The following SOX6 variants were observed in gnomAD, a reference collection of about 807,000 sequenced individuals.
The protein encoded by SOX6 is SRY-box transcription factor 6, also known as transcription factor SOX-6.
A neutral mutation model predicts 97.8 loss-of-function variants in SOX6; 11 were observed. The observed-to-expected ratio is 0.11, with a 90% confidence interval of 0.07 to 0.19. The LOEUF (loss-of-function observed/expected upper bound fraction) is 0.19, where lower values mean the gene tolerates loss of function less well. Ranked by LOEUF, SOX6 falls within the 10% of genes least tolerant of loss-of-function variation. SOX6 has a pLI of 1.00. For missense variants in SOX6, 810 were observed against 1,039.5 expected (o/e 0.78, Z 3.04); for synonymous variants, 360 against 371.4 (o/e 0.97, Z 0.35).
intron 1 of SOX6, among the ~76,000 whole-genome samples, chr11:16,468,530 G>C (rs1860083882): frequency 6.6e-6 from 1 of 152,112 alleles, no homozygotes; most frequent in African/African-American, 2.4e-5. Flanking sequence ...ACTGTCCTCT[G>C]ATTAGAAGAT....
chr11:16,403,742 T>C (rs1210637177), intron 1 of SOX6, among the ~76,000 whole-genome samples: 3 of 151,660 alleles, frequency 2.0e-5, no homozygotes, highest in Non-Finnish European at 4.4e-5. Flanking sequence ...CTTTAAAAAA[T>C]AATGCTAATT....
At chr11:16,264,823 A>G (rs1854021348) in intron 3 of SOX6, 1 of 148,382 alleles carries the variant, frequency 6.7e-6, no homozygotes, top group Admixed American at 6.9e-5. Context: ...ACTTCTAGCC[A>G]AGACGGAGGC....
At chr11:16,479,920 A>G (rs1417208828), upstream of SOX6, among the ~76,000 whole-genome samples, 1 of 152,148 alleles carries the variant, frequency 6.6e-6, no homozygotes, top group Non-Finnish European at 1.5e-5. Context: ...TATGTTCACT[A>G]CAGTTTTTTA....
At chr11:16,198,985 G>A (rs1851863056) in intron 4 of SOX6, among the ~76,000 whole-genome samples, 1 of 152,142 alleles carries the variant, frequency 6.6e-6, no homozygotes, top group African/African-American at 2.4e-5. Context: ...TGTGTCACAT[G>A]CATCTCTGTG....
chr11:16,241,388 C>T (rs559861886), intron 3 of SOX6, among the ~76,000 whole-genome samples: 29 of 152,114 alleles, frequency 1.9e-4, no homozygotes, highest in African/African-American at 6.5e-4. Flanking sequence ...TATGGCTGTC[C>T]ATGTTGCTAA....
At chr11:16,189,397 C>CA (rs1449154210) in intron 4 of SOX6, among the ~76,000 whole-genome samples, 1 of 146,664 alleles carries the variant, frequency 6.8e-6, no homozygotes, top group African/African-American at 2.6e-5. Context: ...ACGCTATAGG[C>CA]AAAGGTCATG....
At chr11:16,150,003 G>A (rs1850419469) in intron 6 of SOX6, among the ~76,000 whole-genome samples, 2 of 152,122 alleles carry the variant, frequency 1.3e-5, no homozygotes, top group South Asian at 4.1e-4. Flanking sequence ...GATTAAATTA[G>A]GGAGTTTGGA....
intron 3 of SOX6, among the ~76,000 whole-genome samples, chr11:16,643,067 G>C (rs1020944198): frequency 6.6e-6 from 1 of 152,164 alleles, no homozygotes; most frequent in Non-Finnish European, 1.5e-5. Flanking sequence ...GGTCTTTGAT[G>C]ATGGTGACGT....
At chr11:16,555,810 C>T (rs1303851696) in intron 4 of SOX6, among the ~76,000 whole-genome samples, 1 of 151,500 alleles carries the variant, frequency 6.6e-6, no homozygotes, top group Non-Finnish European at 1.5e-5. Flanking sequence ...TGACTAGTTA[C>T]ATAAATATGA....
chr11:16,018,245 T>A (rs374082281), intron 12 of SOX6, among the ~76,000 whole-genome samples: 1 of 152,136 alleles, frequency 6.6e-6, no homozygotes, highest in African/African-American at 2.4e-5. Context: ...GCCTCACTGA[T>A]GACAGATAGA....
At chr11:16,494,763 G>T (rs1384831463) in intron 4 of SOX6, among the ~76,000 whole-genome samples, 1 of 152,120 alleles carries the variant, frequency 6.6e-6, no homozygotes. Flanking sequence ...TAGGGAAAAT[G>T]GAAGTGAAAG....
intron 4 of SOX6, among the ~76,000 whole-genome samples, chr11:16,198,418 A>C (rs1047502957): frequency 6.6e-6 from 1 of 152,066 alleles, no homozygotes; most frequent in Non-Finnish European, 1.5e-5. Flanking sequence ...GTTTAAGAAG[A>C]AGCTTATAAA....
intron 9 of SOX6, among the ~76,000 whole-genome samples, chr11:16,059,458 G>A (rs1847894519): frequency 6.6e-6 from 1 of 151,708 alleles, no homozygotes; most frequent in African/African-American, 2.4e-5. Context: ...GAAAAAACAG[G>A]TGGTTTGAAT....
intron 6 of SOX6, among the ~76,000 whole-genome samples, chr11:16,123,834 CA>C: frequency 6.6e-6 from 1 of 152,102 alleles, no homozygotes; most frequent in South Asian, 2.1e-4. Flanking sequence ...AACTTAGATA[CA>C]AAAAAGAGAT....
intron 4 of SOX6, among the ~76,000 whole-genome samples, chr11:16,580,622 T>C (rs576396297): frequency 1.3e-4 from 20 of 152,244 alleles, no homozygotes; most frequent in African/African-American, 4.3e-4. Flanking sequence ...AAAGAAAATA[T>C]GTTGCATCCA....
intron 2 of SOX6, among the ~76,000 whole-genome samples, chr11:16,323,867 C>A (rs1855994355): frequency 6.6e-6 from 1 of 151,876 alleles, no homozygotes; most frequent in South Asian, 2.1e-4. Context: ...AAACTTGAAA[C>A]AACTAATTAT....
chr11:16,132,448 G>GAAA (rs1564972681), intron 6 of SOX6, among the ~76,000 whole-genome samples: 4 of 74,190 alleles, frequency 5.4e-5, no homozygotes, highest in African/African-American at 1.8e-4. Context: ...AAAGAAAAAA[G>GAAA]AAAGAAAGAA....
chr11:16,394,495 G>C (rs1277481643), intron 1 of SOX6, among the ~76,000 whole-genome samples: 1 of 151,734 alleles, frequency 6.6e-6, no homozygotes. Flanking sequence ...TGCCAGCAAA[G>C]ATTTACATAG....
At chr11:16,431,861 C>T (rs547696511) in intron 1 of SOX6, among the ~76,000 whole-genome samples, 51 of 152,202 alleles carry the variant, frequency 3.4e-4, no homozygotes, top group African/African-American at 1.1e-3. Context: ...TACCATTAAA[C>T]ACACTAACAT....
Sources: gnomAD v4.1 joint callset for allele counts (sites outside exome capture counted in the v4.1 genomes callset) on GRCh38, gnomAD v4.1.1 for gene constraint, MANE v1.5 for transcripts, NCBI Gene and HGNC (gene_info 2026-07-23, HGNC 2026-07-21) for gene names.